The following DUSP16 variants were observed in gnomAD, a reference collection of about 807,000 sequenced individuals.
DUSP16 encodes the protein dual specificity protein phosphatase 16.
Under a neutral mutation model 58.3 loss-of-function variants are expected in DUSP16, and 21 were observed. That is an observed-to-expected ratio of 0.36 (90% CI 0.26 to 0.52). DUSP16 has a LOEUF of 0.52. Ranked by LOEUF, DUSP16 falls within the 20% of genes least tolerant of loss-of-function variation. The pLI is 0.94. For missense variants in DUSP16, 726 were observed against 819.0 expected, an observed-to-expected ratio of 0.89 and a Z score of 1.39; for synonymous variants, 320 against 323.8, an observed-to-expected ratio of 0.99 and a Z score of 0.12.
chr12:12,532,314 G>A (rs542494432), intron 1 of DUSP16, among the ~76,000 whole-genome samples: 1 of 152,280 alleles, frequency 6.6e-6, no homozygotes, highest in African/African-American at 2.4e-5. Context: ...CCTGCAACAT[G>A]GTATGCAACA....
intron 3 of DUSP16, among the ~76,000 whole-genome samples, chr12:12,513,677 C>A (rs1039059163): frequency 2.0e-5 from 3 of 152,090 alleles, no homozygotes; most frequent in Non-Finnish European, 2.9e-5. Flanking sequence ...AATTAATAAG[C>A]CTGGCAGAGC....
At chr12:12,493,339 A>G (rs11054933) in intron 4 of DUSP16, among the ~76,000 whole-genome samples, 7,049 of 152,142 alleles carry the variant, frequency 0.046, 240 homozygotes, top group Non-Finnish European at 0.076. Flanking sequence ...AAATCTCACC[A>G]TTACTGCCAC....
intron 3 of DUSP16, among the ~76,000 whole-genome samples, chr12:12,501,649 G>A (rs756647172): frequency 9.2e-5 from 14 of 152,168 alleles, no homozygotes; most frequent in East Asian, 5.8e-4. Context: ...CACTAAGTCC[G>A]AATCAAGGAG....
intron 1 of DUSP16, among the ~76,000 whole-genome samples, chr12:12,561,473 C>A (rs1296483299): frequency 6.6e-6 from 1 of 152,216 alleles, no homozygotes; most frequent in Non-Finnish European, 1.5e-5. Context: ...GATACACAGA[C>A]CCTGGGCTTT....
chr12:12,477,035 C>T lies in DUSP16; in HGVS notation c.1796G>A (p.Arg599Lys). 6.2e-7 allele frequency: 1 copy of T among 1,614,274 alleles called. No homozygotes were observed. Among genetic ancestry groups the T allele is most frequent in the South Asian group, 1.1e-5 (1 of 91,084 alleles). ...AGCTCTGTCACTTGGCTTCTGCCGC[C>T]TGCGCACAGAATAGACTTGGTCTCC... ...TCGDQVYSVR[R>K]RQKPSDRADS... The change falls in exon 7 of 7, where the codon AGG (arginine) becomes AAG (lysine). Residue 599 changes from arginine to lysine, a missense_variant. By Grantham distance (26) the Arg-to-Lys change is conservative (BLOSUM62 2). Coordinates refer to ENST00000298573, the MANE Select transcript of DUSP16 (RefSeq NM_030640.3). This position sits in a 1 kb window ranked among gnomAD's most constrained non-coding sequence, Gnocchi z 4.1.
Position 12,477,125 on chromosome 12 carries a change from G to T in DUSP16, c.1706C>A (p.Ala569Asp), listed in dbSNP as rs1943459859. The T allele has an allele frequency of 6.2e-7, 1 of 1,614,108 alleles. No homozygotes were observed. The highest frequency in any genetic ancestry group is 8.5e-7 in the Non-Finnish European group (1 of 1,180,054). The change falls in exon 7 of 7, where the codon GCC becomes GAC. Residue 569 changes from alanine to aspartate, a missense_variant. Coordinates refer to ENST00000298573, the MANE Select transcript of DUSP16 (RefSeq NM_030640.3). The surrounding 1 kb of genome is among the most constrained non-coding windows in gnomAD (Gnocchi z 4.1). ...FATESSHFYS[A>D]SAIYGGSASY... ...GGCACTGCCTCCGTAGATGGCTGAGGCAGAGTAGAAGTGTGAGGACTCTGT... is the reference window on the plus strand; with the variant it reads ...GGCACTGCCTCCGTAGATGGCTGAGTCAGAGTAGAAGTGTGAGGACTCTGT...
At chr12:12,490,675 G>A (rs1943749807) in intron 4 of DUSP16, among the ~76,000 whole-genome samples, 1 of 152,146 alleles carries the variant, frequency 6.6e-6, no homozygotes, top group African/African-American at 2.4e-5. Context: ...ACACCTAAGT[G>A]CATCTACCAC....
At chr12:12,486,039 C>T (rs904218207) in intron 5 of DUSP16, among the ~76,000 whole-genome samples, 1 of 150,238 alleles carries the variant, frequency 6.7e-6, no homozygotes, top group Non-Finnish European at 1.5e-5. Flanking sequence ...ATGATCCACC[C>T]GCCTAGGCCT....
In DUSP16 at chr12:12,482,281, T is replaced by TA. The variant is rs530289119; in HGVS notation, c.692-1936dup. Among the ~76,000 whole-genome samples, 148 of 152,226 alleles carry TA rather than the reference T, an allele frequency of 9.7e-4. 1 individual carries two copies. Among genetic ancestry groups the TA allele is most frequent in the African/African-American group, 3.5e-3 (146 of 41,538 alleles). On this transcript the variant is annotated intron_variant, in intron 5 of 6. Transcript: ENST00000298573. ...TACATATTTTCAAAAGAGATTTTAATAAAAAAAGAAGAAGGCTGGAAGGAA... is the reference window on the plus strand; with the variant it reads ...TACATATTTTCAAAAGAGATTTTAATAAAAAAAAGAAGAAGGCTGGAAGGAA...
chr12:12,498,973 A>C (rs914572759), intron 4 of DUSP16, among the ~76,000 whole-genome samples: 3 of 152,226 alleles, frequency 2.0e-5, no homozygotes, highest in African/African-American at 7.2e-5. Context: ...AGAGTTAAAA[A>C]AAGAAAACTA....
chr12:12,491,882 A>C (rs1347651596), intron 4 of DUSP16, among the ~76,000 whole-genome samples: 2 of 151,992 alleles, frequency 1.3e-5, no homozygotes, highest in Admixed American at 1.3e-4. Context: ...GAATCTGTAA[A>C]CCCCTGCAGG....
At chr12:12,532,220 ATACACATG>A (rs1944400595) in intron 1 of DUSP16, among the ~76,000 whole-genome samples, 7 of 152,344 alleles carry the variant, frequency 4.6e-5, no homozygotes, top group African/African-American at 1.4e-4. Flanking sequence ...TTCAGTTAAA[ATACACATG>A]AAAAAATACT....
chr12:12,535,493 T>C (rs1273723460), intron 1 of DUSP16, among the ~76,000 whole-genome samples: 1 of 152,336 alleles, frequency 6.6e-6, no homozygotes, highest in South Asian at 2.1e-4. Context: ...TCTATAATTC[T>C]GGGTGTAATG....
chr12:12,480,443 A>C, intron 5 of DUSP16, 97 bp from the exon 6 acceptor site: 1 of 1,413,930 alleles, frequency 7.1e-7, no homozygotes, highest in South Asian at 1.4e-5. Flanking sequence ...CCACCTGAAA[A>C]CCTCTACGCA....
At chr12:12,534,333 A>AT (rs1320183483) in intron 1 of DUSP16, among the ~76,000 whole-genome samples, 1 of 152,202 alleles carries the variant, frequency 6.6e-6, no homozygotes, top group Non-Finnish European at 1.5e-5. Flanking sequence ...CTGTATCAGG[A>AT]GCAAAGTACC....
In DUSP16 at chr12:12,477,902, T is replaced by A. The variant is rs750121770; in HGVS notation, c.929A>T (p.Lys310Ile). The A allele has an allele frequency of 1.2e-6, 2 of 1,614,194 alleles. No homozygotes were observed. Among genetic ancestry groups the A allele is most frequent in the Non-Finnish European group, 1.7e-6 (2 of 1,180,038 alleles). ...NQTGASGPKS[K>I]LKLLHLEKPN... Reference sequence around the variant, plus strand: ...CTTCTCCAGGTGCAGCAGCTTGAGTTTGCTCTTTGGCCCTGATGCTCCAGT... The same window carrying A: ...CTTCTCCAGGTGCAGCAGCTTGAGTATGCTCTTTGGCCCTGATGCTCCAGT... The change falls in exon 7 of 7, where the codon AAA becomes ATA. Residue 310 changes from lysine to isoleucine, a missense_variant. Lys to Ile is a moderately radical substitution (Grantham distance 102). Coordinates refer to ENST00000298573, the MANE Select transcript of DUSP16 (RefSeq NM_030640.3). The surrounding 1 kb of genome is among the most constrained non-coding windows in gnomAD (Gnocchi z 4.1).
intron 4 of DUSP16, among the ~76,000 whole-genome samples, chr12:12,494,787 T>C (rs1180053195): frequency 6.6e-6 from 1 of 152,062 alleles, no homozygotes; most frequent in African/African-American, 2.4e-5. Context: ...TCCTGGAAGG[T>C]CTTAAATATC....
At chr12:12,486,207 T>A (rs146102905) in intron 5 of DUSP16, among the ~76,000 whole-genome samples, 6 of 152,144 alleles carry the variant, frequency 3.9e-5, no homozygotes, top group African/African-American at 1.4e-4. Flanking sequence ...GGAAAAAAAA[T>A]TCCTTACATG....
intron 1 of DUSP16, among the ~76,000 whole-genome samples, chr12:12,537,233 T>C (rs555234312): frequency 6.6e-6 from 1 of 152,198 alleles, no homozygotes; most frequent in Non-Finnish European, 1.5e-5. Context: ...GAAAAAAAGA[T>C]GTGGAAGTCA....
Sources: gnomAD v4.1 joint callset for allele counts (sites outside exome capture counted in the v4.1 genomes callset) on GRCh38, gnomAD v4.1.1 for gene constraint, Gnocchi (gnomAD v3.1) non-coding constraint, MANE v1.5 for transcripts, NCBI Gene and HGNC (gene_info 2026-07-23, HGNC 2026-07-21) for gene names.